CYP4F3: variants seen among roughly 807,000 people sequenced by gnomAD.
CYP4F3 encodes the protein cytochrome P450 family 4 subfamily F member 3.
Under a neutral mutation model 54.8 loss-of-function variants are expected in CYP4F3, and 50 were observed. That is an observed-to-expected ratio of 0.91 (90% CI 0.73 to 1.16). CYP4F3 has a LOEUF of 1.16. Ranked by LOEUF, CYP4F3 falls within the 50% of genes most tolerant of loss-of-function variation. The probability of loss-of-function intolerance (pLI) is 0.00; values close to 1 mark genes in which losing one functional copy is unlikely to be tolerated. For synonymous variants in CYP4F3, 244 were observed against 262.6 expected (o/e 0.93, Z 0.69); for missense variants, 715 against 676.2 (o/e 1.06, Z -0.64).
chr19:15,648,524 T>C (rs1013326331), intron 5 of CYP4F3, among the ~76,000 whole-genome samples: 4 of 152,074 alleles, frequency 2.6e-5, no homozygotes, highest in African/African-American at 4.8e-5. Flanking sequence ...CCAGAAAGGG[T>C]GCTCAGGACT....
At chr19:15,656,728 TTATCTATC>T (rs1555743688) in intron 9 of CYP4F3, among the ~76,000 whole-genome samples, 92 of 144,016 alleles carry the variant, frequency 6.4e-4, no homozygotes, top group African/African-American at 7.0e-4. Flanking sequence ...TATCATCTAT[TTATCTATC>T]TATCTATCTA....
chr19:15,652,636 G>T lies in CYP4F3; in HGVS notation c.985+1G>T, dbSNP rs376212056. 1.9e-6 allele frequency: 3 copies of T among 1,614,200 alleles called. No individual in the cohort carries two copies. The highest frequency in any genetic ancestry group is 2.7e-5 in the African/African-American group (2 of 75,044). On this transcript the variant is annotated splice_donor_variant, in intron 8 of 12. Coordinates refer to ENST00000221307, the MANE Select transcript of CYP4F3 (RefSeq NM_000896.3). LOFTEE classifies it high-confidence loss of function. Reference sequence around the variant, plus strand: ...GAAGCTGACACCTTTATGTTTGAGGGTGAGGGCCCCAGTGTGGGGCTAGAG... The same window carrying T: ...GAAGCTGACACCTTTATGTTTGAGGTTGAGGGCCCCAGTGTGGGGCTAGAG...
rs1401359482 is a variant in CYP4F3, at chr19:15,660,908, G to A, written c.*1523G>A. Reference sequence around the variant, plus strand: ...ATTGTTGTATTTTTAATAGAGGCGGGGTTTCGCCATGTTGCACTGGCTGGT... The same window carrying A: ...ATTGTTGTATTTTTAATAGAGGCGGAGTTTCGCCATGTTGCACTGGCTGGT... On this transcript the variant is annotated 3_prime_UTR_variant, in exon 13 of 13. Coordinates refer to ENST00000221307, the MANE Select transcript of CYP4F3 (RefSeq NM_000896.3). The A allele has an allele frequency of 5.9e-5, 9 of 151,954 alleles. No homozygotes were observed. The highest frequency in any genetic ancestry group is 5.9e-4 in the Admixed American group (9 of 15,252). The allele number at this position is 151,954 out of a possible 1,614,324, so 9.4% of individuals were successfully genotyped here.
chr19:15,646,218 T>A (rs553773086), intron 3 of CYP4F3, among the ~76,000 whole-genome samples: 27 of 152,158 alleles, frequency 1.8e-4, no homozygotes, highest in Non-Finnish European at 3.4e-4. Flanking sequence ...TGGTCATGTG[T>A]GGAGTTCATG....
chr19:15,653,313 A>G (rs1281779102), intron 9 of CYP4F3, among the ~76,000 whole-genome samples: 1 of 151,918 alleles, frequency 6.6e-6, no homozygotes, highest in Non-Finnish European at 1.5e-5. Flanking sequence ...CCTAATTCCT[A>G]CCCTTCCATC....
chr19:15,650,876 C>CTTTT (rs1972833169), intron 7 of CYP4F3, among the ~76,000 whole-genome samples: 1 of 90,926 alleles, frequency 1.1e-5, no homozygotes. Context: ...CTTTTTCTCT[C>CTTTT]TCTCTCTTTC....
At chr19:15,644,041 C>T (rs1280323991) in intron 2 of CYP4F3, 1 of 1,589,180 alleles carries the variant, frequency 6.3e-7, no homozygotes, top group Non-Finnish European at 8.6e-7. Context: ...GGTCTGTCAT[C>T]AACGCCTCAG....
In CYP4F3 at chr19:15,659,636, T is replaced by C. The variant is rs192241387; in HGVS notation, c.*251T>C. 245 of 585,516 alleles carry C rather than the reference T, an allele frequency of 4.2e-4. 1 individual carries two copies. The East Asian group carries it at 7.6e-3, about 18-fold the overall frequency. 36.3% of individuals were successfully genotyped at this position (585,516 alleles called of 1,614,324 possible). A position where few individuals can be genotyped will look rare whatever the true frequency, so the allele number is the denominator to read the frequency against. On this transcript the variant is annotated 3_prime_UTR_variant, in exon 13 of 13. Coordinates refer to ENST00000221307, the MANE Select transcript of CYP4F3 (RefSeq NM_000896.3). ...ACCAGATGAAAGGATAAACAAAATATGGTCCATCCATACAATGGAGTATTA... is the reference window on the plus strand; with the variant it reads ...ACCAGATGAAAGGATAAACAAAATACGGTCCATCCATACAATGGAGTATTA...
chr19:15,647,719 A>C (rs942104473), intron 5 of CYP4F3, among the ~76,000 whole-genome samples: 3 of 152,204 alleles, frequency 2.0e-5, no homozygotes, highest in Non-Finnish European at 4.4e-5. Flanking sequence ...TGTGGATGGA[A>C]GGGATCAGTC....
rs1140863 is a variant in CYP4F3 at position 15,661,928 on chromosome 19, G to C, written c.*2543G>C. ...TTGTATGGGGTGTGAACTGTGGTTT[G>C]ACTGTTTTCTTGTATATGGATATCC... On this transcript the variant is annotated 3_prime_UTR_variant, in exon 13 of 13. Transcript: ENST00000221307. The C allele has an allele frequency of 6.6e-6, 1 of 151,798 alleles. No homozygotes were observed. The highest frequency in any genetic ancestry group is 2.1e-4 in the South Asian group (1 of 4,828). 9.4% of individuals were successfully genotyped at this position (151,798 alleles called of 1,614,324 possible). A position where few individuals can be genotyped will look rare whatever the true frequency, so the allele number is the denominator to read the frequency against.
chr19:15,649,481 A>C (rs1972724248), intron 6 of CYP4F3, among the ~76,000 whole-genome samples, 200 bp downstream of exon 6: 1 of 152,148 alleles, frequency 6.6e-6, no homozygotes, highest in Non-Finnish European at 1.5e-5. Context: ...GGTGTGGTCA[A>C]AGTGGGTCTC....
chr19:15,648,004 C>A (rs1324727063), intron 5 of CYP4F3, among the ~76,000 whole-genome samples: 1 of 152,156 alleles, frequency 6.6e-6, no homozygotes, highest in East Asian at 1.9e-4. Flanking sequence ...AATAGTCCAA[C>A]ACGGAATCAA....
At chr19:15,647,346 T>A in intron 5 of CYP4F3, 22 bp downstream of exon 5, 1 of 1,613,898 alleles carries the variant, frequency 6.2e-7, no homozygotes, top group Non-Finnish European at 8.5e-7. Context: ...GAAGCCAAGG[T>A]CCCAGCTGCA....
At chr19:15,651,898 GCTTACGGCAATA>G (rs1295180406) in intron 7 of CYP4F3, among the ~76,000 whole-genome samples, 5 of 152,242 alleles carry the variant, frequency 3.3e-5, no homozygotes, top group African/African-American at 1.2e-4. Context: ...CTCATGTCTT[GCTTACGGCAATA>G]CTATCAGCCA....
intron 9 of CYP4F3, among the ~76,000 whole-genome samples, chr19:15,655,659 C>A (rs1201102100): frequency 6.6e-6 from 1 of 152,190 alleles, no homozygotes; most frequent in Admixed American, 6.5e-5. Flanking sequence ...TATATGAACA[C>A]TTACTGTGCT....
At chr19:15,645,590 C>T (rs1463622482) in intron 2 of CYP4F3, 129 bp from the exon 3 acceptor site, 11 of 1,258,906 alleles carry the variant, frequency 8.7e-6, no homozygotes, top group Middle Eastern at 2.9e-4. Context: ...CCAGTGGGGG[C>T]TCAGCACTGA....
At position 15,645,892 on chromosome 19, in the gene CYP4F3, G is replaced by A. The variant is rs371661973; in HGVS notation, c.343+29G>A. 14 of 1,571,282 alleles carry A rather than the reference G, an allele frequency of 8.9e-6. No individual in the cohort carries two copies. In the Middle Eastern group the frequency reaches 5.1e-4, roughly 57 times the overall value. The stretch of plus-strand genomic sequence containing the variant: ...GACACTGCACTGGCCACTCCAGGTA[G>A]ACACTGCACTGGCCACGCCTTGCCC... On this transcript the variant is annotated intron_variant, in intron 3 of 12. Coordinates refer to ENST00000221307, the MANE Select transcript of CYP4F3 (RefSeq NM_000896.3).
Position 15,652,937 on chromosome 19 carries a change from C to T in CYP4F3, c.1100C>T (p.Pro367Leu), listed in dbSNP as rs142150749. The T allele has an allele frequency of 5.5e-5, 88 of 1,609,172 alleles. No homozygotes were observed. The African/African-American group carries it at 1.0e-3, about 19-fold the overall frequency. Reference sequence around the variant, plus strand: ...CAAGAGCTTCTGAAGGACCGTGAGCCTAAAGAGATTGAATGGTGAGTGCAG... The same window carrying T: ...CAAGAGCTTCTGAAGGACCGTGAGCTTAAAGAGATTGAATGGTGAGTGCAG... ...EVQELLKDRE[P>L]KEIEWDDLAQ... Residue 367 changes from proline (P) to leucine (L), a missense_variant, in exon 9 of 13, where the codon CCT (proline) becomes CTT (leucine). Coordinates refer to ENST00000221307, the MANE Select transcript of CYP4F3 (RefSeq NM_000896.3).
intron 9 of CYP4F3, among the ~76,000 whole-genome samples, chr19:15,655,733 GC>G (rs1453957107): frequency 6.6e-6 from 1 of 152,098 alleles, no homozygotes; most frequent in African/African-American, 2.4e-5. Context: ...GAGATCTTTT[GC>G]TTTTCTCAAA....
Sources: allele counts gnomAD v4.1 joint callset (sites outside exome capture counted in the v4.1 genomes callset), GRCh38; gene constraint gnomAD v4.1.1; transcripts MANE v1.5; gene names NCBI Gene and HGNC (gene_info 2026-07-23, HGNC 2026-07-21).